ATP6V0E1: variants seen among roughly 807,000 people sequenced by gnomAD.
The protein encoded by ATP6V0E1 is V-type proton ATPase subunit e 1.
In ATP6V0E1, 4 loss-of-function variants were observed where a neutral mutation model predicts 11.6. That is an observed-to-expected ratio of 0.35 (90% CI 0.17 to 0.79). ATP6V0E1 has a LOEUF of 0.79. Among genes scored for constraint, ATP6V0E1 ranks in the 30% least tolerant of loss-of-function variants. ATP6V0E1 has a pLI of 0.54. For missense variants in ATP6V0E1, 105 were observed against 100.0 expected (o/e 1.05, Z -0.21); for synonymous variants, 36 against 34.8 (o/e 1.04, Z -0.13).
At chr5:173,026,825 T>A (rs1198375693) in intron 3 of ATP6V0E1, among the ~76,000 whole-genome samples, 1 of 152,224 alleles carries the variant, frequency 6.6e-6, no homozygotes, top group Non-Finnish European at 1.5e-5. Context: ...TATATGATTT[T>A]TCTAGATACT....
At chr5:173,025,111 G>A (rs1180405489) in intron 3 of ATP6V0E1, among the ~76,000 whole-genome samples, 1 of 147,652 alleles carries the variant, frequency 6.8e-6, no homozygotes, top group Non-Finnish European at 1.5e-5. Flanking sequence ...AAAGTGCTAG[G>A]ATTACAGGTG....
intron 3 of ATP6V0E1, among the ~76,000 whole-genome samples, chr5:173,032,203 C>G (rs1424440807): frequency 6.6e-6 from 1 of 151,564 alleles, no homozygotes. Flanking sequence ...AAAATCAAAC[C>G]GCATGCCTTT....
chr5:172,989,684 G>C (rs1190745097), intron 1 of ATP6V0E1, among the ~76,000 whole-genome samples: 1 of 152,018 alleles, frequency 6.6e-6, no homozygotes, highest in Admixed American at 6.6e-5. Flanking sequence ...GGGCCACCAT[G>C]CCCAGCTCAT....
At chr5:172,995,335 CAAGTG>C (rs1756047942) in intron 2 of ATP6V0E1, among the ~76,000 whole-genome samples, 1 of 152,204 alleles carries the variant, frequency 6.6e-6, no homozygotes, top group South Asian at 2.1e-4. Context: ...CTCCTGACCT[CAAGTG>C]ATCCGCCTGC....
intron 2 of ATP6V0E1, among the ~76,000 whole-genome samples, chr5:173,011,173 A>ATTT (rs1756318811): frequency 8.4e-6 from 1 of 119,434 alleles, no homozygotes; most frequent in African/African-American, 3.5e-5. Flanking sequence ...TGCCTGATTT[A>ATTT]TCTTTTTTTT....
At chr5:173,008,834 C>T (rs1388173831) in intron 2 of ATP6V0E1, among the ~76,000 whole-genome samples, 1 of 148,426 alleles carries the variant, frequency 6.7e-6, no homozygotes, top group Non-Finnish European at 1.5e-5. Flanking sequence ...TGGCATGAAC[C>T]CGGGAGGCAG....
intron 3 of ATP6V0E1, among the ~76,000 whole-genome samples, chr5:173,026,991 GCA>G (rs1756569778): frequency 7.8e-6 from 1 of 127,926 alleles, no homozygotes. Flanking sequence ...CCTGGCTAAC[GCA>G]GTGAAACCCC....
At chr5:172,996,899 T>C (rs2113585521) in intron 2 of ATP6V0E1, among the ~76,000 whole-genome samples, 1 of 151,122 alleles carries the variant, frequency 6.6e-6, no homozygotes, top group South Asian at 2.1e-4. Flanking sequence ...CAAAGAGAAA[T>C]AGAAGGCACA....
At chr5:173,029,683 CTGTTT>C (rs1756618501) in intron 3 of ATP6V0E1, among the ~76,000 whole-genome samples, 1 of 152,090 alleles carries the variant, frequency 6.6e-6, no homozygotes, top group African/African-American at 2.4e-5. Flanking sequence ...TTTTGCTTTT[CTGTTT>C]TGTTTTGTTT....
At chr5:173,006,279 T>A (rs542648063) in intron 2 of ATP6V0E1, among the ~76,000 whole-genome samples, 2 of 152,298 alleles carry the variant, frequency 1.3e-5, no homozygotes, top group African/African-American at 4.8e-5. Context: ...TATAACCCTT[T>A]AGGATCCTAG....
intron 2 of ATP6V0E1, among the ~76,000 whole-genome samples, chr5:173,012,474 C>T (rs1041633968): frequency 3.3e-5 from 5 of 151,872 alleles, no homozygotes; most frequent in South Asian, 4.1e-4. Flanking sequence ...TAAACGAGGC[C>T]GGGCATGGTG....
intron 1 of ATP6V0E1, among the ~76,000 whole-genome samples, chr5:172,989,248 T>C (rs1425283936): frequency 6.6e-6 from 1 of 151,990 alleles, no homozygotes; most frequent in African/African-American, 2.4e-5. Flanking sequence ...GCTGGGTGGG[T>C]GGATTGTTTG....
At chr5:173,032,249 T>TTTTATTTTATTTA (rs1206831982) in intron 3 of ATP6V0E1, among the ~76,000 whole-genome samples, 8 of 132,254 alleles carry the variant, frequency 6.0e-5, no homozygotes, top group Admixed American at 1.4e-4. Context: ...TTTTATTTTA[T>TTTTATTTTATTTA]TTTATTTATT....
chr5:173,001,576 G>C (rs1358811756), intron 2 of ATP6V0E1, among the ~76,000 whole-genome samples: 1 of 152,090 alleles, frequency 6.6e-6, no homozygotes, highest in South Asian at 2.1e-4. Context: ...CAGGGGCCTG[G>C]GTGCACCGCT....
intron 1 of ATP6V0E1, among the ~76,000 whole-genome samples, chr5:172,992,369 CAG>C (rs772526927): frequency 6.6e-6 from 1 of 152,142 alleles, no homozygotes; most frequent in African/African-American, 2.4e-5. Flanking sequence ...CCTTTTCACT[CAG>C]AGTCAAAGCC....
At chr5:173,007,581 G>A (rs887972072) in intron 2 of ATP6V0E1, among the ~76,000 whole-genome samples, 3 of 152,094 alleles carry the variant, frequency 2.0e-5, no homozygotes, top group Non-Finnish European at 2.9e-5. Context: ...TTTCTTTTGC[G>A]GATTAGGTAG....
At chr5:173,013,468 C>G (rs577617428) in intron 2 of ATP6V0E1, among the ~76,000 whole-genome samples, 89 of 149,782 alleles carry the variant, frequency 5.9e-4, no homozygotes, top group Admixed American at 2.0e-3. Flanking sequence ...CCAGCTACTC[C>G]GGAGGCTGAG....
chr5:173,009,911 G>A (rs981833141), intron 2 of ATP6V0E1, among the ~76,000 whole-genome samples: 21 of 151,730 alleles, frequency 1.4e-4, no homozygotes, highest in African/African-American at 4.8e-4. Flanking sequence ...TTACAGGCAC[G>A]TGCCACCACG....
At chr5:173,031,674 C>A (rs1437447466) in intron 3 of ATP6V0E1, among the ~76,000 whole-genome samples, 1 of 151,834 alleles carries the variant, frequency 6.6e-6, no homozygotes, top group Non-Finnish European at 1.5e-5. Flanking sequence ...AAAAAATTAG[C>A]CAGGTATAGT....
Sources: allele counts gnomAD v4.1 joint callset (sites outside exome capture counted in the v4.1 genomes callset), GRCh38; gene constraint gnomAD v4.1.1; transcripts MANE v1.5; gene names NCBI Gene and HGNC (gene_info 2026-07-23, HGNC 2026-07-21).